The following CCDC3 variants were observed in gnomAD, a reference collection of about 807,000 sequenced individuals.
The protein encoded by CCDC3 is coiled-coil domain-containing protein 3.
A neutral mutation model predicts 21.4 loss-of-function variants in CCDC3; 24 were observed. The observed-to-expected ratio is 1.12, with a 90% confidence interval of 0.81 to 1.58. CCDC3 has a LOEUF of 1.58. Ranked by LOEUF, CCDC3 falls within the 40% of genes most tolerant of loss-of-function variation. The probability of loss-of-function intolerance (pLI) is 0.00; values close to 1 mark genes in which losing one functional copy is unlikely to be tolerated. For synonymous variants in CCDC3, 186 were observed against 166.0 expected, an observed-to-expected ratio of 1.12 and a Z score of -0.93; for missense variants, 425 against 360.9, an observed-to-expected ratio of 1.18 and a Z score of -1.44.
chr10:13,090,142 G>A (rs1832547709), intron 3 of CCDC3, among the ~76,000 whole-genome samples: 2 of 146,114 alleles, frequency 1.4e-5, no homozygotes, highest in Admixed American at 1.4e-4. Flanking sequence ...AGGCTGGAGT[G>A]CGGTGGTGTG....
rs566348627 is a variant in CCDC3 at position 13,028,281 on chromosome 10, G to A, written c.-2+21393C>T. On this transcript the variant is annotated intron_variant, in intron 5 of 6. Coordinates refer to the CCDC3 transcript ENST00000378839. ...TTCCCCTGCACACACACTCCTGCCT[G>A]CCACCATGTAAGATGTGCCCTTGCT... Among the ~76,000 whole-genome samples the A allele has an allele frequency of 7.9e-5, 12 of 152,252 alleles. No homozygotes were observed. In the South Asian group the frequency reaches 2.5e-3, roughly 32 times the overall value.
chr10:12,950,861 C>T (rs1360595047), intron 2 of CCDC3, among the ~76,000 whole-genome samples: 1 of 152,074 alleles, frequency 6.6e-6, no homozygotes, highest in African/African-American at 2.4e-5. Context: ...GTGGCTGCTC[C>T]CCCACCACAC....
At chr10:13,084,685 G>C (rs183552816) in intron 3 of CCDC3, among the ~76,000 whole-genome samples, 5 of 152,286 alleles carry the variant, frequency 3.3e-5, no homozygotes, top group African/African-American at 9.6e-5. Context: ...TTGGGGTCTA[G>C]ATCGGGACTC....
In CCDC3 at chr10:13,093,026, C is replaced by CT. The variant is rs143190092; in HGVS notation, c.-503+5498dup. 7.1e-3 allele frequency among the ~76,000 whole-genome samples: 917 copies of CT among 128,656 alleles called. 10 individuals carry two copies. Among genetic ancestry groups the CT allele is most frequent in the African/African-American group, 0.023 (795 of 34,000 alleles). The allele number at this position is 128,656 out of a possible 152,430, so 84.4% of individuals were successfully genotyped here. A position where few individuals can be genotyped will look rare whatever the true frequency, so the allele number is the denominator to read the frequency against. On this transcript the variant is annotated intron_variant, in intron 3 of 6. Coordinates refer to the CCDC3 transcript ENST00000378839. Reference sequence around the variant, plus strand: ...GGAAAGTCATGTATGAACCCCTCACCTTTTTTTTTTTTTTTTTTTTCAAAA... The same window carrying CT: ...GGAAAGTCATGTATGAACCCCTCACCTTTTTTTTTTTTTTTTTTTTTCAAAA...
chr10:13,066,660 C>G (rs563777802), intron 4 of CCDC3, among the ~76,000 whole-genome samples: 217 of 152,308 alleles, frequency 1.4e-3, no homozygotes, highest in African/African-American at 5.1e-3. Context: ...CGACCCACCC[C>G]ACAAGTGTTG....
chr10:13,037,095 C>G (rs1564328557), intron 5 of CCDC3, among the ~76,000 whole-genome samples: 1 of 152,072 alleles, frequency 6.6e-6, no homozygotes, highest in Non-Finnish European at 1.5e-5. Flanking sequence ...GCCTCATGTA[C>G]TTTGAGTACC....
At chr10:12,930,768 C>T (rs779921104) in intron 2 of CCDC3, among the ~76,000 whole-genome samples, 6 of 152,208 alleles carry the variant, frequency 3.9e-5, no homozygotes, top group Admixed American at 1.3e-4. Context: ...GGATAGTCTC[C>T]CACAACAAAG....
At chr10:13,047,080 CG>C (rs1378924409) in intron 5 of CCDC3, among the ~76,000 whole-genome samples, 1 of 152,030 alleles carries the variant, frequency 6.6e-6, no homozygotes, top group Non-Finnish European at 1.5e-5. Context: ...GCAGCTGTTA[CG>C]AAAGAGGAGA....
intron 5 of CCDC3, among the ~76,000 whole-genome samples, chr10:13,009,724 T>C (rs1835962825): frequency 6.6e-6 from 1 of 152,114 alleles, no homozygotes; most frequent in Non-Finnish European, 1.5e-5. Context: ...GAGGGAAAAA[T>C]ATTTCAGCCC....
At chr10:13,030,477 A>T (rs1814016581) in intron 5 of CCDC3, among the ~76,000 whole-genome samples, 1 of 152,222 alleles carries the variant, frequency 6.6e-6, no homozygotes, top group African/African-American at 2.4e-5. Context: ...ACAGGATAAA[A>T]TTCACACATA....
At chr10:12,987,360 G>A (rs1390217923) in intron 2 of CCDC3, among the ~76,000 whole-genome samples, 2 of 152,190 alleles carry the variant, frequency 1.3e-5, no homozygotes, top group Non-Finnish European at 2.9e-5. Context: ...CATCTGCCTG[G>A]AGATCTTATG....
chr10:13,001,723 T>TG, upstream of CCDC3: 1 of 408,206 alleles, frequency 2.4e-6, no homozygotes, highest in Non-Finnish European at 3.4e-6. Context: ...TGCCCGGCCC[T>TG]GGCGCGCCAC....
intron 2 of CCDC3, among the ~76,000 whole-genome samples, chr10:12,943,341 C>G (rs560303822): frequency 6.6e-6 from 1 of 152,226 alleles, no homozygotes; most frequent in South Asian, 2.1e-4. Flanking sequence ...ATGTGAAAAA[C>G]TAGTTTAGGC....
At chr10:13,000,459 G>C (rs1012779617) in intron 1 of CCDC3, among the ~76,000 whole-genome samples, 9 of 152,006 alleles carry the variant, frequency 5.9e-5, no homozygotes, top group Admixed American at 1.3e-4. Flanking sequence ...AATCAAAGAG[G>C]ACCTCCTGGC....
intron 4 of CCDC3, among the ~76,000 whole-genome samples, chr10:13,050,748 C>T (rs191616038): frequency 4.8e-4 from 73 of 152,088 alleles, no homozygotes; most frequent in African/African-American, 1.6e-3. Flanking sequence ...CGTGAACCAC[C>T]GCGCCCAGCC....
chr10:12,907,769 C>T lies in CCDC3; in HGVS notation c.550-9090G>A, dbSNP rs77283989. On this transcript the variant is annotated intron_variant, in intron 2 of 2. Coordinates refer to ENST00000378825, the MANE Select transcript of CCDC3 (RefSeq NM_031455.4). ...CCTTTTCTCCCTGCCCCCACCTGCC[C>T]GCCCCCTGTTGACTAGCTTATTTTG... Among the ~76,000 whole-genome samples the T allele has an allele frequency of 1.4e-3, 211 of 152,300 alleles. 3 individuals are homozygous for T. In the East Asian group the frequency reaches 0.026, roughly 19 times the overall value.
At chr10:12,976,323 G>A (rs1433960401) in intron 2 of CCDC3, among the ~76,000 whole-genome samples, 1 of 152,320 alleles carries the variant, frequency 6.6e-6, no homozygotes, top group East Asian at 1.9e-4. Context: ...CACACACAGA[G>A]CATCTACTGA....
chr10:12,982,567 G>A (rs868032138), intron 2 of CCDC3, among the ~76,000 whole-genome samples: 4 of 151,872 alleles, frequency 2.6e-5, no homozygotes, highest in Non-Finnish European at 5.9e-5. Flanking sequence ...GCCGAGGTGG[G>A]TGGATCATTT....
At position 12,935,454 on chromosome 10, in the gene CCDC3, CTATTGG is replaced by C. The variant is rs1489552279; in HGVS notation, c.550-36781_550-36776del. Among the ~76,000 whole-genome samples, 6 of 152,266 alleles carry C rather than the reference CTATTGG, an allele frequency of 3.9e-5. 1 individual carries two copies. The highest frequency in any genetic ancestry group is 6.5e-5 in the Admixed American group (1 of 15,302). On this transcript the variant is annotated intron_variant, in intron 2 of 2. Transcript: ENST00000378825. ...TTAGACGACTGAAATTTCAAAGTGA[CTATTGG>C]TATAGTTGTATTAGTATTTCATATC...
Sources: allele counts gnomAD v4.1 joint callset (sites outside exome capture counted in the v4.1 genomes callset), GRCh38; gene constraint gnomAD v4.1.1; transcripts MANE v1.5; gene names NCBI Gene and HGNC (gene_info 2026-07-23, HGNC 2026-07-21).